Variants in AIG1 observed in about 807,000 individuals in gnomAD.
The protein encoded by AIG1 is androgen-induced gene 1 protein.
Under a neutral mutation model 31.4 loss-of-function variants are expected in AIG1, and 23 were observed. The ratio of observed to expected loss-of-function variants is 0.73; its 90% CI spans 0.53 to 1.04. The LOEUF (loss-of-function observed/expected upper bound fraction) is 1.04, where lower values mean the gene tolerates loss of function less well. AIG1 is among the 50% of genes least tolerant of loss of function. AIG1 has a pLI of 0.00. For missense variants in AIG1, 274 were observed against 295.0 expected (o/e 0.93, Z 0.52); for synonymous variants, 100 against 110.5 (o/e 0.90, Z 0.60).
chr6:143,158,372 A>C (rs1786005269), intron 2 of AIG1, among the ~76,000 whole-genome samples: 1 of 152,128 alleles, frequency 6.6e-6, no homozygotes. Flanking sequence ...AGGGTTTGCC[A>C]CCTGTAAAGA....
intron 1 of AIG1, among the ~76,000 whole-genome samples, chr6:143,117,706 G>T (rs992788927): frequency 6.6e-6 from 1 of 152,166 alleles, no homozygotes; most frequent in African/African-American, 2.4e-5. Context: ...CTAAAGTCAA[G>T]AGTCGATCAG....
intron 3 of AIG1, among the ~76,000 whole-genome samples, chr6:143,183,358 G>A (rs566760209): frequency 3.6e-4 from 55 of 152,262 alleles, no homozygotes; most frequent in African/African-American, 1.3e-3. Flanking sequence ...ACCACACACA[G>A]CTAATTTTTG....
chr6:143,182,293 C>T lies in AIG1; in HGVS notation c.399+17110C>T, dbSNP rs148259493. On this transcript the variant is annotated intron_variant, in intron 3 of 5. Coordinates refer to ENST00000357847, the MANE Select transcript of AIG1 (RefSeq NM_016108.4). ...AAGCAATCCTCCTGCCTCAGCCTCC[C>T]AAAGTGCTGAGATTACAGGCATAAG... Among the ~76,000 whole-genome samples the T allele has an allele frequency of 3.7e-3, 569 of 152,310 alleles. 1 individual carries two copies. The highest frequency in any genetic ancestry group is 4.5e-3 in the Non-Finnish European group (303 of 68,022).
chr6:143,190,837 A>G (rs951246760), intron 3 of AIG1, among the ~76,000 whole-genome samples: 1 of 152,204 alleles, frequency 6.6e-6, no homozygotes, highest in Admixed American at 6.5e-5. Flanking sequence ...TTAAAAGTCA[A>G]TCCCATTTCT....
intron 3 of AIG1, among the ~76,000 whole-genome samples, chr6:143,259,899 A>G (rs17072398): frequency 0.11 from 16,685 of 152,138 alleles, 962 homozygotes; most frequent in African/African-American, 0.14. Context: ...TTTTAGTATC[A>G]TAAGATTTGA....
At chr6:143,156,255 T>C (rs959386488) in intron 2 of AIG1, among the ~76,000 whole-genome samples, 1 of 152,248 alleles carries the variant, frequency 6.6e-6, no homozygotes, top group Admixed American at 6.5e-5. Context: ...AAAGAATGCA[T>C]GTATCCGTTA....
intron 4 of AIG1, among the ~76,000 whole-genome samples, chr6:143,314,134 A>G (rs954483982): frequency 1.4e-5 from 2 of 143,456 alleles, no homozygotes; most frequent in Non-Finnish European, 3.0e-5. Context: ...GGATTGCTTG[A>G]GGCCAGGAGT....
chr6:143,106,981 G>A (rs906384538), intron 1 of AIG1, among the ~76,000 whole-genome samples: 2 of 152,096 alleles, frequency 1.3e-5, no homozygotes, highest in African/African-American at 4.8e-5. Context: ...ACTTCCCAAA[G>A]CTCCATCTTC....
intron 3 of AIG1, among the ~76,000 whole-genome samples, chr6:143,203,814 AC>A (rs1790894173): frequency 6.6e-6 from 1 of 152,218 alleles, no homozygotes; most frequent in African/African-American, 2.4e-5. Flanking sequence ...TCGACAGAAG[AC>A]ATGGCTGGAT....
At position 143,115,763 on chromosome 6, in the gene AIG1, C is replaced by T. The variant is rs369364810; in HGVS notation, c.142-21072C>T. Among the ~76,000 whole-genome samples, 5 of 152,334 alleles carry T rather than the reference C, an allele frequency of 3.3e-5. No individual in the cohort carries two copies. In the East Asian group the frequency reaches 9.6e-4, roughly 29 times the overall value. ...TCACAGGCTTATTGACCATGAGTAT[C>T]ATTTTTGCTGCAGAGCCAGCCTTCA... is the stretch of plus-strand genomic sequence containing the variant. On this transcript the variant is annotated intron_variant, in intron 1 of 5. Coordinates refer to ENST00000357847, the MANE Select transcript of AIG1 (RefSeq NM_016108.4).
At chr6:143,102,687 T>C (rs183499155) in intron 1 of AIG1, among the ~76,000 whole-genome samples, 32 of 151,676 alleles carry the variant, frequency 2.1e-4, no homozygotes, top group African/African-American at 6.8e-4. Flanking sequence ...GTGGTTGATA[T>C]TGTTTTTTCA....
intron 2 of AIG1, 82 bp downstream of exon 2, chr6:143,137,072 A>C: frequency 7.7e-7 from 1 of 1,290,960 alleles, no homozygotes; most frequent in Non-Finnish European, 1.0e-6. Context: ...AAAAGAGTTC[A>C]TTATAAGAGG....
chr6:143,342,500 AAC>A, downstream of AIG1: 1 of 795,948 alleles, frequency 1.3e-6, no homozygotes, highest in East Asian at 2.4e-5. Flanking sequence ...TGGTGGAAGA[AAC>A]AGTCTTTTAT....
At chr6:143,075,545 A>G (rs908849009) in intron 1 of AIG1, among the ~76,000 whole-genome samples, 3 of 152,116 alleles carry the variant, frequency 2.0e-5, no homozygotes, top group South Asian at 4.1e-4. Context: ...GGCTCAAGCA[A>G]TCCACCCCAC....
intron 3 of AIG1, among the ~76,000 whole-genome samples, chr6:143,194,339 G>A (rs1201303871): frequency 1.3e-5 from 2 of 152,150 alleles, no homozygotes; most frequent in Non-Finnish European, 2.9e-5. Flanking sequence ...CACGAGAATA[G>A]CATGGGGCAA....
intron 1 of AIG1, among the ~76,000 whole-genome samples, chr6:143,103,389 A>G (rs1780481605): frequency 6.6e-6 from 1 of 151,966 alleles, no homozygotes. Context: ...GTATATATAC[A>G]TTCTGCCTTT....
chr6:143,123,321 C>G (rs556216299), intron 1 of AIG1, among the ~76,000 whole-genome samples: 25 of 152,284 alleles, frequency 1.6e-4, no homozygotes, highest in African/African-American at 6.0e-4. Flanking sequence ...AAAGTAGCAA[C>G]ACTAATGATG....
intron 4 of AIG1, among the ~76,000 whole-genome samples, chr6:143,302,223 T>A (rs1001002512): frequency 2.6e-5 from 4 of 151,792 alleles, no homozygotes; most frequent in Admixed American, 2.6e-4. Context: ...TTTTTTAATT[T>A]AATTTTATTA....
At chr6:143,277,542 C>G (rs757114503) in intron 3 of AIG1, among the ~76,000 whole-genome samples, 2 of 152,152 alleles carry the variant, frequency 1.3e-5, no homozygotes, top group Non-Finnish European at 2.9e-5. Context: ...TATTTATGAT[C>G]CAAAGTTGTC....
Sources: gnomAD v4.1 joint callset for allele counts (sites outside exome capture counted in the v4.1 genomes callset) on GRCh38, gnomAD v4.1.1 for gene constraint, MANE v1.5 for transcripts, NCBI Gene and HGNC (gene_info 2026-07-23, HGNC 2026-07-21) for gene names.